ANKRD16: variants seen among roughly 807,000 people sequenced by gnomAD.
ANKRD16 encodes the protein ankyrin repeat domain 16.
A neutral mutation model predicts 37.9 loss-of-function variants in ANKRD16; 35 were observed. The observed-to-expected ratio is 0.92, with a 90% CI of 0.71 to 1.23. The LOEUF (loss-of-function observed/expected upper bound fraction) is 1.23. Ranked by LOEUF, ANKRD16 falls within the 50% of genes most tolerant of loss-of-function variation. The pLI is 0.00. For synonymous variants in ANKRD16, 206 were observed against 197.2 expected (o/e 1.04, Z -0.37); for missense variants, 480 against 469.9 (o/e 1.02, Z -0.20).
chr10:5,889,246 C>G lies in ANKRD16; in HGVS notation c.109G>C (p.Gly37Arg). Residue 37 changes from glycine to arginine, a missense_variant, in exon 1 of 8, where the codon GGG becomes CGG. Transcript: ENST00000380094. ...QAAGGCPGPAGDTLLHCAARH... is the reference protein window; with the variant it reads ...QAAGGCPGPARDTLLHCAARH... ...GCGGCGCAGTGCAGGAGGGTATCCC[C>G]GGCCGGCCCCGGGCAGCCCCCGGCC... The G allele has an allele frequency of 1.3e-6, 2 of 1,525,084 alleles. No individual in the cohort carries two copies. Among genetic ancestry groups the G allele is most frequent in the Non-Finnish European group, 1.7e-6 (2 of 1,145,130 alleles). 94.5% of individuals were successfully genotyped at this position (1,525,084 alleles called of 1,614,324 possible).
Position 5,889,135 on chromosome 10 carries a change from G to T in ANKRD16, c.220C>A (p.Pro74Thr). ...CCCATGGAGGCCGCCTCGTGCAGAGGCCGCTTGTAGTCTCGGTTGGTGGCC... is the reference window on the plus strand; with the variant it reads ...CCCATGGAGGCCGCCTCGTGCAGAGTCCGCTTGTAGTCTCGGTTGGTGGCC... Reference protein sequence around the residue: ...IEATNRDYKRPLHEAASMGHR... With the variant: ...IEATNRDYKRTLHEAASMGHR... Residue 74 changes from proline to threonine, a missense_variant, in exon 1 of 8, where the codon CCT becomes ACT. By Grantham distance (38) the Pro-to-Thr change is conservative. Coordinates refer to ENST00000380094, the MANE Select transcript of ANKRD16 (RefSeq NM_019046.3). 6.3e-7 allele frequency: 1 copy of T among 1,598,254 alleles called. No individual in the cohort carries two copies. Among genetic ancestry groups the T allele is most frequent in the Non-Finnish European group, 8.5e-7 (1 of 1,179,044 alleles).
rs577736069 is a variant in ANKRD16 at position 5,872,774 on chromosome 10, T to C, written c.*33+5323A>G. On this transcript the variant is annotated intron_variant, in intron 7 of 7. Transcript: ENST00000380094. ...GATTTCACCGTGTTAGCCAAGATGG[T>C]CTTAATTTCCTGACCTCGTGATCTG... 7.3e-4 allele frequency among the ~76,000 whole-genome samples: 108 copies of C among 147,120 alleles called. 1 individual carries two copies. Among genetic ancestry groups the C allele is most frequent in the Non-Finnish European group, 1.1e-3 (75 of 67,902 alleles).
In ANKRD16 at chr10:5,869,215, T is replaced by C. The variant is rs930372228; in HGVS notation, c.*34-6524A>G. ...TGCTTTTGGAGGCGAGGGATGTGTT[T>C]ATTGCCTTGGCCGTGGTGATAGTTT... On this transcript the variant is annotated intron_variant, in intron 7 of 7. Transcript: ENST00000380094. This position sits in a 1 kb window ranked among gnomAD's most constrained non-coding sequence, Gnocchi z 4.0. Among the ~76,000 whole-genome samples the C allele has an allele frequency of 1.8e-4, 28 of 152,200 alleles. No homozygotes were observed. Among genetic ancestry groups the C allele is most frequent in the African/African-American group, 6.8e-4 (28 of 41,442 alleles).
intron 5 of ANKRD16, among the ~76,000 whole-genome samples, chr10:5,881,438 TTATATATA>T (rs869185709): frequency 2.1e-3 from 105 of 51,012 alleles, no homozygotes; most frequent in East Asian, 5.8e-3. Flanking sequence ...AAAATATTAT[TTATATATA>T]TATATATATA....
rs1842020195 is a variant in ANKRD16, at chr10:5,866,771, AAAGAGACAGACAGAGAGAAAGAGAGG to A, written c.*34-4106_*34-4081del. Among the ~76,000 whole-genome samples the A allele has an allele frequency of 2.0e-5, 3 of 152,060 alleles. No individual in the cohort carries two copies. Among genetic ancestry groups the A allele is most frequent in the African/African-American group, 7.2e-5 (3 of 41,382 alleles). On this transcript the variant is annotated intron_variant, in intron 7 of 7. Transcript: ENST00000380094. The surrounding 1 kb of genome is among the most constrained non-coding windows in gnomAD (Gnocchi z 4.3). ...AAAGACCAGCAGAAAGGAAGGAGAGAAAGAGACAGACAGAGAGAAAGAGAGGAAGAGACAGAGACAAAGGAGTCAAA... is the reference window on the plus strand; with the variant it reads ...AAAGACCAGCAGAAAGGAAGGAGAGAAAGAGACAGAGACAAAGGAGTCAAA...
intron 5 of ANKRD16, among the ~76,000 whole-genome samples, chr10:5,881,472 A>G (rs1339805032): frequency 8.3e-6 from 1 of 121,020 alleles, no homozygotes; most frequent in Non-Finnish European, 1.6e-5. Flanking sequence ...ATATATATAT[A>G]TATATATATT....
intron 5 of ANKRD16, chr10:5,881,024 T>C (rs587620): frequency 0.88 from 166,824 of 190,010 alleles, 73,397 homozygotes; most frequent in African/African-American, 0.91. Context: ...ATCACAAACT[T>C]CTGGGCTCAA....
chr10:5,866,790 AAGAG>A lies in ANKRD16; in HGVS notation c.*34-4103_*34-4100del, dbSNP rs921693880. Among the ~76,000 whole-genome samples, 2 of 152,094 alleles carry A rather than the reference AAGAG, an allele frequency of 1.3e-5. No individual in the cohort carries two copies. The highest frequency in any genetic ancestry group is 1.5e-5 in the Non-Finnish European group (1 of 68,000). ...GGAGAGAAAGAGACAGACAGAGAGA[AAGAG>A]AGGAAGAGACAGAGACAAAGGAGTC... On this transcript the variant is annotated intron_variant, in intron 7 of 7. Transcript: ENST00000380094. This position sits in a 1 kb window ranked among gnomAD's most constrained non-coding sequence, Gnocchi z 4.3.
chr10:5,868,177 G>C lies in ANKRD16; in HGVS notation c.*34-5486C>G, dbSNP rs1205008225. 6.6e-6 allele frequency among the ~76,000 whole-genome samples: 1 copy of C among 152,124 alleles called. No individual in the cohort carries two copies. Among genetic ancestry groups the C allele is most frequent in the East Asian group, 1.9e-4 (1 of 5,196 alleles). On this transcript the variant is annotated intron_variant, in intron 7 of 7. Transcript: ENST00000380094. The surrounding 1 kb of genome is among the most constrained non-coding windows in gnomAD (Gnocchi z 4.9). ...TCAAATTTGTTTCCTCTAGGATCGA[G>C]GCCATCAAGCTACAGATGGTCTTAC... is the stretch of plus-strand genomic sequence containing the variant.
At position 5,865,381 on chromosome 10, in the gene ANKRD16, G is replaced by C. The variant is rs918212798; in HGVS notation, c.*34-2690C>G. On this transcript the variant is annotated intron_variant, in intron 7 of 7. Coordinates refer to ENST00000380094, the MANE Select transcript of ANKRD16 (RefSeq NM_019046.3). This position sits in a 1 kb window ranked among gnomAD's most constrained non-coding sequence, Gnocchi z 4.7. ...CAACAACAGGACCGAGGGTGCCCAGGGCAAGCGCCAGCTCATGTCATCACC... is the reference window on the plus strand; with the variant it reads ...CAACAACAGGACCGAGGGTGCCCAGCGCAAGCGCCAGCTCATGTCATCACC... Among the ~76,000 whole-genome samples the C allele has an allele frequency of 6.6e-6, 1 of 152,182 alleles. No homozygotes were observed. The highest frequency in any genetic ancestry group is 1.5e-5 in the Non-Finnish European group (1 of 68,034).
In ANKRD16 at chr10:5,874,866, C is replaced by A. The variant is rs115754639; in HGVS notation, c.*33+3231G>T. 1.3e-5 allele frequency among the ~76,000 whole-genome samples: 2 copies of A among 151,972 alleles called. No individual in the cohort carries two copies. The highest frequency in any genetic ancestry group is 2.9e-5 in the Non-Finnish European group (2 of 68,002). ...GAGATGCTGGAGACAGAAGCTGGTACGCATGAGCACGGAGGGCCAGCCTGA... is the reference window on the plus strand; with the variant it reads ...GAGATGCTGGAGACAGAAGCTGGTAAGCATGAGCACGGAGGGCCAGCCTGA... On this transcript the variant is annotated intron_variant, in intron 7 of 7. Transcript: ENST00000380094. This position sits in a 1 kb window ranked among gnomAD's most constrained non-coding sequence, Gnocchi z 4.7.
intron 2 of ANKRD16, 83 bp from the exon 3 acceptor site, chr10:5,885,848 C>T: frequency 1.4e-6 from 2 of 1,400,712 alleles, no homozygotes; most frequent in Non-Finnish European, 2.0e-6. Context: ...TGCTCTCTGC[C>T]CCGTTCTATT....
At chr10:5,887,703 C>CCCCCCCCCCCCCCCA (rs1842457124) in intron 2 of ANKRD16, 144 bp downstream of exon 2, 3 of 153,054 alleles carry the variant, frequency 2.0e-5, no homozygotes, top group African/African-American at 7.7e-5. Context: ...CCACCCCCTC[C>CCCCCCCCCCCCCCCA]CCCCCAGATG....
Position 5,868,565 on chromosome 10 carries a change from A to G in ANKRD16, c.*34-5874T>C, listed in dbSNP as rs916678411. ...AAGGATTGTAAACACACCAATCAGC[A>G]CTCTGTAAAATGGACCAATCAGCAG... On this transcript the variant is annotated intron_variant, in intron 7 of 7. Transcript: ENST00000380094. This position sits in a 1 kb window ranked among gnomAD's most constrained non-coding sequence, Gnocchi z 4.9. Among the ~76,000 whole-genome samples the G allele has an allele frequency of 6.6e-6, 1 of 152,166 alleles. No homozygotes were observed. Among genetic ancestry groups the G allele is most frequent in the Non-Finnish European group, 1.5e-5 (1 of 68,038 alleles).
At chr10:5,884,134 A>T in intron 3 of ANKRD16, 57 bp from the exon 4 acceptor site, 2 of 1,339,558 alleles carry the variant, frequency 1.5e-6, no homozygotes, top group Non-Finnish European at 2.1e-6. Context: ...AACCCAGGGG[A>T]CAGTTGACAC....
intron 7 of ANKRD16, among the ~76,000 whole-genome samples, chr10:5,877,230 A>C (rs664842): frequency 0.83 from 125,700 of 152,158 alleles, 52,315 homozygotes; most frequent in Admixed American, 0.87. Flanking sequence ...CTCGGGCCTC[A>C]GCCTCACTGG....
chr10:5,873,142 G>A (rs1023726809), intron 7 of ANKRD16, among the ~76,000 whole-genome samples: 6 of 150,948 alleles, frequency 4.0e-5, no homozygotes, highest in Admixed American at 2.0e-4. Context: ...CAATTCTCCT[G>A]CCTCAGCCTC....
Position 5,866,653 on chromosome 10 carries a change from A to T in ANKRD16, c.*34-3962T>A, listed in dbSNP as rs569038165. On this transcript the variant is annotated intron_variant, in intron 7 of 7. Transcript: ENST00000380094. This position sits in a 1 kb window ranked among gnomAD's most constrained non-coding sequence, Gnocchi z 4.3. ...ATGGAGTTATTGCACGCAGTGCAAAAACCCAAGGAGGTGGCAGTCTTACAC... is the reference window on the plus strand; with the variant it reads ...ATGGAGTTATTGCACGCAGTGCAAATACCCAAGGAGGTGGCAGTCTTACAC... Among the ~76,000 whole-genome samples, 3 of 152,270 alleles carry T rather than the reference A, an allele frequency of 2.0e-5. No individual in the cohort carries two copies. Among genetic ancestry groups the T allele is most frequent in the Non-Finnish European group, 4.4e-5 (3 of 68,050 alleles).
intron 4 of ANKRD16, among the ~76,000 whole-genome samples, chr10:5,883,588 C>G (rs1474214477): frequency 6.6e-6 from 1 of 152,188 alleles, no homozygotes; most frequent in Admixed American, 6.5e-5. Flanking sequence ...AGCCATCACG[C>G]CCTGCTCTCA....
Sources: gnomAD v4.1 joint callset for allele counts (sites outside exome capture counted in the v4.1 genomes callset) on GRCh38, gnomAD v4.1.1 for gene constraint, Gnocchi (gnomAD v3.1) non-coding constraint, MANE v1.5 for transcripts, NCBI Gene and HGNC (gene_info 2026-07-23, HGNC 2026-07-21) for gene names.